The following ANKS1B variants were observed in gnomAD, a reference collection of about 807,000 sequenced individuals.
ANKS1B encodes ankyrin repeat and sterile alpha motif domain-containing protein 1B.
Under a neutral mutation model 148.3 loss-of-function variants are expected in ANKS1B, and 36 were observed. The observed-to-expected ratio is 0.24, with a 90% CI of 0.19 to 0.32. The LOEUF (loss-of-function observed/expected upper bound fraction) is 0.32. ANKS1B is among the 10% of genes least tolerant of loss of function. The pLI is 1.00. For synonymous variants in ANKS1B, 542 were observed against 560.8 expected, an observed-to-expected ratio of 0.97 and a Z score of 0.47; for missense variants, 1,157 against 1,542.6, an observed-to-expected ratio of 0.75 and a Z score of 4.19.
In ANKS1B at chr12:99,195,174, G is replaced by A. The variant is rs554684135; in HGVS notation, c.2420-40779C>T. On this transcript the variant is annotated intron_variant, in intron 14 of 26. Coordinates refer to ENST00000683438, the MANE Select transcript of ANKS1B (RefSeq NM_001352186.2). ...TAGCTATGCCAATATATTAGATGGT[G>A]GAATCATGACCTATAGCTAGCTGAG... Among the ~76,000 whole-genome samples the A allele has an allele frequency of 2.0e-5, 3 of 152,118 alleles. No homozygotes were observed. In the East Asian group the frequency reaches 5.8e-4, roughly 29 times the overall value.
At chr12:99,970,917 A>G (rs572286565) in intron 1 of ANKS1B, among the ~76,000 whole-genome samples, 1 of 152,212 alleles carries the variant, frequency 6.6e-6, no homozygotes, top group Admixed American at 6.5e-5. Context: ...CTTTTTGCTG[A>G]TAGATCTATC....
At chr12:99,531,866 T>C (rs1165358714) in intron 9 of ANKS1B, among the ~76,000 whole-genome samples, 1 of 152,204 alleles carries the variant, frequency 6.6e-6, no homozygotes. Context: ...CCAACATCTA[T>C]TGTTTTTTGA....
intron 11 of ANKS1B, among the ~76,000 whole-genome samples, chr12:99,430,827 C>T (rs1295701510): frequency 3.3e-5 from 5 of 152,168 alleles, no homozygotes; most frequent in Non-Finnish European, 7.3e-5. Context: ...GAAGTTACAG[C>T]AAGCATATTC....
intron 17 of ANKS1B, among the ~76,000 whole-genome samples, chr12:99,033,380 C>T (rs1013094051): frequency 6.6e-6 from 1 of 152,182 alleles, no homozygotes; most frequent in East Asian, 1.9e-4. Context: ...ATTTAGTAGT[C>T]ATGGTGTATA....
intron 9 of ANKS1B, among the ~76,000 whole-genome samples, chr12:99,544,315 T>C (rs1012098579): frequency 1.3e-5 from 2 of 152,138 alleles, no homozygotes; most frequent in Admixed American, 6.5e-5. Flanking sequence ...GTCAATGTAG[T>C]AGGTTTTTAA....
At chr12:99,037,901 C>T (rs1411963517) in intron 17 of ANKS1B, among the ~76,000 whole-genome samples, 7 of 152,162 alleles carry the variant, frequency 4.6e-5, no homozygotes, top group African/African-American at 7.2e-5. Flanking sequence ...AGTCAAGTGC[C>T]GTGACAAATA....
intron 22 of ANKS1B, among the ~76,000 whole-genome samples, chr12:98,791,640 C>G (rs2153557326): frequency 6.6e-6 from 1 of 152,298 alleles, no homozygotes; most frequent in African/African-American, 2.4e-5. Context: ...ACACTACAGT[C>G]TCAAATTCCT....
chr12:99,646,319 T>A lies in ANKS1B; in HGVS notation c.1272+8748A>T, dbSNP rs11109966. On this transcript the variant is annotated intron_variant, in intron 9 of 26. Coordinates refer to ENST00000683438, the MANE Select transcript of ANKS1B (RefSeq NM_001352186.2). ...CAAGTATCCAAAATAATCAAACATT[T>A]CAATATGAAAGGAAGAAATTATGTT... is the stretch of plus-strand genomic sequence containing the variant. Among the ~76,000 whole-genome samples, 12 of 151,920 alleles carry A rather than the reference T, an allele frequency of 7.9e-5. No individual in the cohort carries two copies. The East Asian group carries it at 2.1e-3, about 27-fold the overall frequency.
At chr12:99,675,968 C>G (rs1461006663) in intron 8 of ANKS1B, among the ~76,000 whole-genome samples, 1 of 152,106 alleles carries the variant, frequency 6.6e-6, no homozygotes, top group African/African-American at 2.4e-5. Context: ...CCACTCAAAT[C>G]TCATCTTGAA....
chr12:98,769,964 C>T (rs367579521), intron 25 of ANKS1B, among the ~76,000 whole-genome samples: 6 of 152,224 alleles, frequency 3.9e-5, no homozygotes, highest in South Asian at 4.2e-4. Flanking sequence ...TCAATCCTTT[C>T]GTAATGGCAG....
intron 8 of ANKS1B, among the ~76,000 whole-genome samples, chr12:99,682,771 T>C (rs1260027758): frequency 6.6e-6 from 1 of 151,992 alleles, no homozygotes; most frequent in Non-Finnish European, 1.5e-5. Context: ...TAGAACTAAT[T>C]GATATTGAAA....
intron 20 of ANKS1B, among the ~76,000 whole-genome samples, chr12:98,807,253 T>C (rs969797025): frequency 1.5e-4 from 23 of 152,208 alleles, no homozygotes; most frequent in African/African-American, 5.1e-4. Flanking sequence ...CACAATTTCA[T>C]ACAATTTGCA....
chr12:99,900,090 G>A (rs998012260), intron 1 of ANKS1B, among the ~76,000 whole-genome samples: 4 of 151,844 alleles, frequency 2.6e-5, no homozygotes, highest in Non-Finnish European at 5.9e-5. Context: ...GTAGAGATGG[G>A]GTTGCACCAT....
intron 1 of ANKS1B, among the ~76,000 whole-genome samples, chr12:99,920,739 G>A (rs1450783989): frequency 1.3e-5 from 2 of 152,088 alleles, no homozygotes; most frequent in Non-Finnish European, 2.9e-5. Context: ...TAAAGGAGGC[G>A]CTCCATGTCC....
intron 17 of ANKS1B, among the ~76,000 whole-genome samples, chr12:99,051,452 T>G (rs2153526475): frequency 6.6e-6 from 1 of 152,358 alleles, no homozygotes. Flanking sequence ...TTCCATTAAC[T>G]AATTAACTGG....
chr12:99,634,782 T>A (rs966126769), intron 9 of ANKS1B, among the ~76,000 whole-genome samples: 5 of 152,130 alleles, frequency 3.3e-5, no homozygotes, highest in Admixed American at 2.6e-4. Context: ...TTGGACTACA[T>A]CAACCTTTAA....
At chr12:99,127,472 T>C (rs1449745218) in intron 15 of ANKS1B, among the ~76,000 whole-genome samples, 1 of 152,114 alleles carries the variant, frequency 6.6e-6, no homozygotes, top group African/African-American at 2.4e-5. Flanking sequence ...GAAAAAAAAC[T>C]TTAGAATCAA....
chr12:99,735,660 A>G (rs1200039563), intron 8 of ANKS1B, among the ~76,000 whole-genome samples: 1 of 152,104 alleles, frequency 6.6e-6, no homozygotes, highest in Non-Finnish European at 1.5e-5. Flanking sequence ...AGATGGCTTC[A>G]CTGCCAAATT....
At chr12:99,435,545 G>A (rs1263873410) in intron 11 of ANKS1B, among the ~76,000 whole-genome samples, 1 of 151,924 alleles carries the variant, frequency 6.6e-6, no homozygotes, top group Non-Finnish European at 1.5e-5. Flanking sequence ...ATAATAACAA[G>A]TTGGGCCACT....
Sources: allele counts gnomAD v4.1 joint callset (sites outside exome capture counted in the v4.1 genomes callset), GRCh38; gene constraint gnomAD v4.1.1; transcripts MANE v1.5; gene names NCBI Gene and HGNC (gene_info 2026-07-23, HGNC 2026-07-21).